The following SORCS3 variants were observed in gnomAD, a reference collection of about 807,000 sequenced individuals.
The protein encoded by SORCS3 is VPS10 domain-containing receptor SorCS3.
Under a neutral mutation model 146.3 loss-of-function variants are expected in SORCS3, and 57 were observed. The observed-to-expected ratio is 0.39, with a 90% confidence interval of 0.31 to 0.49. SORCS3 has a LOEUF of 0.49. Ranked by LOEUF, SORCS3 falls within the 20% of genes least tolerant of loss-of-function variation. SORCS3 has a pLI of 0.92. For synonymous variants in SORCS3, 653 were observed against 618.5 expected (o/e 1.06, Z -0.83); for missense variants, 1,341 against 1,575.5 (o/e 0.85, Z 2.52).
intron 1 of SORCS3, among the ~76,000 whole-genome samples, chr10:104,773,892 C>T (rs993060373): frequency 2.0e-5 from 3 of 152,180 alleles, no homozygotes; most frequent in African/African-American, 7.2e-5. Context: ...GTCCAAAACC[C>T]AGCAGTGTCA....
chr10:104,956,043 G>A (rs1038176710), intron 3 of SORCS3, among the ~76,000 whole-genome samples: 4 of 152,128 alleles, frequency 2.6e-5, no homozygotes, highest in Admixed American at 6.6e-5. Flanking sequence ...TTACGGGTAT[G>A]GAGTGTAAAA....
intron 1 of SORCS3, among the ~76,000 whole-genome samples, chr10:104,725,787 A>G (rs1179390022): frequency 1.3e-5 from 2 of 152,240 alleles, no homozygotes; most frequent in Non-Finnish European, 2.9e-5. Context: ...TGCGCGGGAT[A>G]TAATCTCCTG....
Position 104,841,504 on chromosome 10 carries a change from A to G in SORCS3, c.628-1288A>G, listed in dbSNP as rs1314386761. Among the ~76,000 whole-genome samples, 6 of 152,206 alleles carry G rather than the reference A, an allele frequency of 3.9e-5. No homozygotes were observed. The East Asian group carries it at 1.2e-3, about 29-fold the overall frequency. ...AATATTCCCGTCACCTTTGGCACAT[A>G]ATGGATCATATCCCTTGCCTTTAAT... On this transcript the variant is annotated intron_variant, in intron 1 of 26. Transcript: ENST00000369701.
In SORCS3 at chr10:104,989,486, A is replaced by G. The variant is rs1009717193; in HGVS notation, c.954+11993A>G. Among the ~76,000 whole-genome samples the G allele has an allele frequency of 2.0e-5, 3 of 152,238 alleles. No individual in the cohort carries two copies. The East Asian group carries it at 5.8e-4, about 29-fold the overall frequency. ...CCTGGCAGAGGACTAGGAGTGGAAT[A>G]TAAGGAGAAAATAACAGTCTGGAAT... On this transcript the variant is annotated intron_variant, in intron 4 of 26. Coordinates refer to ENST00000369701, the MANE Select transcript of SORCS3 (RefSeq NM_014978.3).
At chr10:104,670,647 C>G (rs982224621) in intron 1 of SORCS3, among the ~76,000 whole-genome samples, 1 of 152,002 alleles carries the variant, frequency 6.6e-6, no homozygotes, top group Non-Finnish European at 1.5e-5. Context: ...TTTTCAGGAC[C>G]GTTTTAGCTA....
At chr10:105,001,702 G>A (rs2055062428) in intron 4 of SORCS3, among the ~76,000 whole-genome samples, 2 of 152,158 alleles carry the variant, frequency 1.3e-5, no homozygotes, top group Non-Finnish European at 2.9e-5. Flanking sequence ...GTTAGTGACA[G>A]GTCAATTAAA....
At chr10:104,846,631 T>G (rs958433006) in intron 2 of SORCS3, among the ~76,000 whole-genome samples, 14 of 152,328 alleles carry the variant, frequency 9.2e-5, no homozygotes, top group South Asian at 2.1e-4. Context: ...AAGCATTAAT[T>G]TGTGTAGCAG....
chr10:104,675,810 C>T (rs1265928261), intron 1 of SORCS3, among the ~76,000 whole-genome samples: 1 of 152,144 alleles, frequency 6.6e-6, no homozygotes, highest in African/African-American at 2.4e-5. Flanking sequence ...CCAATCTTAT[C>T]TTTTTTTCCT....
chr10:105,226,452 G>A (rs1294807497), intron 20 of SORCS3, among the ~76,000 whole-genome samples: 1 of 151,916 alleles, frequency 6.6e-6, no homozygotes, highest in Admixed American at 6.6e-5. Flanking sequence ...GTTGGATTCA[G>A]TTTGTTAGTA....
chr10:104,793,600 T>C (rs746544502), intron 1 of SORCS3, among the ~76,000 whole-genome samples: 4 of 152,124 alleles, frequency 2.6e-5, no homozygotes, highest in African/African-American at 4.8e-5. Context: ...ATTGAATGAG[T>C]TGGCAAACAA....
intron 2 of SORCS3, among the ~76,000 whole-genome samples, chr10:104,895,946 T>C (rs1223506054): frequency 6.6e-6 from 1 of 152,202 alleles, no homozygotes; most frequent in Admixed American, 6.5e-5. Context: ...CCAATGGGAA[T>C]AAATAGAAAG....
chr10:105,089,097 G>C (rs769854686), intron 5 of SORCS3, among the ~76,000 whole-genome samples: 2 of 152,158 alleles, frequency 1.3e-5, no homozygotes, highest in Non-Finnish European at 2.9e-5. Context: ...AGAGGTCCAC[G>C]AGGATTGTTT....
At chr10:104,742,796 C>T (rs1481711088) in intron 1 of SORCS3, among the ~76,000 whole-genome samples, 2 of 152,140 alleles carry the variant, frequency 1.3e-5, no homozygotes, top group Non-Finnish European at 2.9e-5. Flanking sequence ...GGTCCTAAAT[C>T]TATTGGATGG....
chr10:105,095,699 G>A (rs56329516), intron 6 of SORCS3, among the ~76,000 whole-genome samples: 8,062 of 142,294 alleles, frequency 0.057, 470 homozygotes, highest in East Asian at 0.16. Context: ...TTTTTGAGCA[G>A]TAAAGAGATA....
At chr10:104,822,696 G>A (rs150052092) in intron 1 of SORCS3, among the ~76,000 whole-genome samples, 3 of 152,154 alleles carry the variant, frequency 2.0e-5, no homozygotes, top group Non-Finnish European at 4.4e-5. Flanking sequence ...TCAGAGTCTG[G>A]CATGGCCCTC....
chr10:105,005,934 G>A (rs949034168), intron 4 of SORCS3, among the ~76,000 whole-genome samples: 20 of 152,002 alleles, frequency 1.3e-4, no homozygotes, highest in East Asian at 5.8e-4. Context: ...TCCTCCTCTC[G>A]CAGTTTAATT....
At chr10:104,717,467 C>G (rs916893609) in intron 1 of SORCS3, among the ~76,000 whole-genome samples, 11 of 152,156 alleles carry the variant, frequency 7.2e-5, no homozygotes, top group African/African-American at 2.4e-4. Flanking sequence ...AGCTCACCCA[C>G]AAGGCGCCCA....
At chr10:105,046,399 C>T (rs117535247) in intron 5 of SORCS3, among the ~76,000 whole-genome samples, 19 of 152,166 alleles carry the variant, frequency 1.2e-4, no homozygotes, top group Non-Finnish European at 2.5e-4. Flanking sequence ...CCATGCTACT[C>T]GCAGTTGTTG....
At chr10:104,762,335 G>T (rs1378768002) in intron 1 of SORCS3, among the ~76,000 whole-genome samples, 1 of 152,172 alleles carries the variant, frequency 6.6e-6, no homozygotes, top group African/African-American at 2.4e-5. Context: ...AAATACTTCT[G>T]CCATGGGTTA....
Sources: allele counts gnomAD v4.1 joint callset (sites outside exome capture counted in the v4.1 genomes callset), GRCh38; gene constraint gnomAD v4.1.1; transcripts MANE v1.5; gene names NCBI Gene and HGNC (gene_info 2026-07-23, HGNC 2026-07-21).